The following STS variants were observed in gnomAD, a reference collection of about 807,000 sequenced individuals.
STS encodes the protein steroid sulfatase.
In STS, 7 loss-of-function variants were observed where a neutral mutation model predicts 26.8. The ratio of observed to expected loss-of-function variants is 0.26; its 90% CI spans 0.15 to 0.49. The LOEUF (loss-of-function observed/expected upper bound fraction) is 0.49, where lower values mean the gene tolerates loss of function less well. Ranked by LOEUF, STS falls within the 20% of genes least tolerant of loss-of-function variation. The pLI is 0.98. For missense variants in STS, 434 were observed against 465.6 expected (o/e 0.93, Z 0.63); for synonymous variants, 199 against 189.4 (o/e 1.05, Z -0.42).
intron 9 of STS, among the ~76,000 whole-genome samples, chrX:7,327,352 A>G (rs1486254507): frequency 9.3e-6 from 1 of 107,077 alleles, no homozygotes; most frequent in East Asian, 2.9e-4. Flanking sequence ...ACCTTTCTAG[A>G]CCTGCACTGG....
At chrX:7,216,959 A>G (rs1921334123) in intron 2 of STS, among the ~76,000 whole-genome samples, 1 of 111,472 alleles carries the variant, frequency 9.0e-6, no homozygotes, top group Non-Finnish European at 1.9e-5. Flanking sequence ...GACCATCGCA[A>G]CAGGTGCAGG....
At chrX:7,178,804 C>T (rs1365719630) in intron 1 of STS, among the ~76,000 whole-genome samples, 2 of 109,733 alleles carry the variant, frequency 1.8e-5, no homozygotes, top group African/African-American at 6.7e-5. Flanking sequence ...CTCTGTCCTT[C>T]TCATGAAAGT....
chrX:7,333,155 C>A (rs1461013066), intron 9 of STS, among the ~76,000 whole-genome samples: 1 of 112,215 alleles, frequency 8.9e-6, no homozygotes, highest in Non-Finnish European at 1.9e-5. Flanking sequence ...GAAAGAAAAT[C>A]CTCAAGTTAA....
chrX:7,294,017 C>A (rs1302383554), intron 7 of STS, among the ~76,000 whole-genome samples: 5 of 110,825 alleles, frequency 4.5e-5, no homozygotes, highest in African/African-American at 1.6e-4. Context: ...ATGGCCAGAC[C>A]AAGGTAGGCC....
At chrX:7,254,835 G>A (rs1209803655) in intron 3 of STS, among the ~76,000 whole-genome samples, 2 of 110,089 alleles carry the variant, frequency 1.8e-5, no homozygotes, top group Non-Finnish European at 3.8e-5. Flanking sequence ...CACCTGCCTC[G>A]GCCTCCCAAA....
chrX:7,317,529 C>T (rs1019983420), intron 8 of STS, among the ~76,000 whole-genome samples: 6 of 111,679 alleles, frequency 5.4e-5, no homozygotes, highest in African/African-American at 9.8e-5. Context: ...GGTGCAGTGG[C>T]GTGATCACAG....
At chrX:7,300,840 G>A (rs1471460531) in intron 7 of STS, among the ~76,000 whole-genome samples, 2 of 111,371 alleles carry the variant, frequency 1.8e-5, no homozygotes, top group Non-Finnish European at 1.9e-5. Flanking sequence ...GGAATTTGGA[G>A]GAGATATCCA....
intron 2 of STS, among the ~76,000 whole-genome samples, chrX:7,235,495 G>A (rs867006978): frequency 1.8e-5 from 2 of 111,839 alleles, no homozygotes; most frequent in African/African-American, 3.2e-5. Flanking sequence ...TTAGTTAGCC[G>A]GGTCCATTGG....
intron 8 of STS, among the ~76,000 whole-genome samples, chrX:7,315,750 G>A (rs1926685019): frequency 9.0e-6 from 1 of 111,325 alleles, no homozygotes; most frequent in Non-Finnish European, 1.9e-5. Flanking sequence ...GATGTAGGCT[G>A]GAAGACTCAG....
chrX:7,300,253 A>C (rs1420857911), intron 7 of STS, among the ~76,000 whole-genome samples: 1 of 112,305 alleles, frequency 8.9e-6, no homozygotes, highest in Non-Finnish European at 1.9e-5. Context: ...TGTTTCCTTC[A>C]GAAAACAAAG....
chrX:7,251,534 G>T (rs2147079396), intron 2 of STS, among the ~76,000 whole-genome samples: 1 of 111,440 alleles, frequency 9.0e-6, no homozygotes, highest in East Asian at 2.8e-4. Context: ...GACTGTCAGT[G>T]CTCCCAGATA....
chrX:7,212,518 A>C (rs750629513), intron 2 of STS, among the ~76,000 whole-genome samples: 1 of 111,693 alleles, frequency 9.0e-6, no homozygotes, highest in Non-Finnish European at 1.9e-5. Context: ...GTCTCAAGAT[A>C]CTAGGGACGC....
intron 8 of STS, among the ~76,000 whole-genome samples, chrX:7,323,907 C>G (rs1206650415): frequency 1.8e-5 from 2 of 110,666 alleles, no homozygotes; most frequent in East Asian, 5.7e-4. Context: ...CAGCCTCTCT[C>G]TGTGATTACA....
At chrX:7,192,419 C>G (rs919646197) in intron 2 of STS, among the ~76,000 whole-genome samples, 1 of 111,807 alleles carries the variant, frequency 8.9e-6, no homozygotes. Context: ...CAAAGATTAG[C>G]CCGGCATTGT....
intron 1 of STS, among the ~76,000 whole-genome samples, chrX:7,155,986 A>C (rs963476503): frequency 5.5e-5 from 6 of 109,662 alleles, no homozygotes; most frequent in African/African-American, 2.0e-4. Flanking sequence ...CCATCTCTAC[A>C]AAAAAAATAC....
At chrX:7,178,786 CCTT>C (rs754797737) in intron 1 of STS, among the ~76,000 whole-genome samples, 10 of 109,146 alleles carry the variant, frequency 9.2e-5, no homozygotes, top group African/African-American at 3.3e-4. Context: ...CTCTCTCTGT[CCTT>C]CTCTCTCTGT....
At chrX:7,326,884 A>T (rs1927502908) in intron 9 of STS, among the ~76,000 whole-genome samples, 1 of 111,379 alleles carries the variant, frequency 9.0e-6, no homozygotes, top group African/African-American at 3.3e-5. Flanking sequence ...TACTGGTTTC[A>T]ACTCTGCTTT....
chrX:7,256,589 C>T, intron 3 of STS, among the ~76,000 whole-genome samples: 1 of 111,634 alleles, frequency 9.0e-6, no homozygotes, highest in Non-Finnish European at 1.9e-5. Flanking sequence ...GGAGATTTCT[C>T]TTTTGGTGAC....
chrX:7,297,822 C>T (rs1160869208), intron 7 of STS, among the ~76,000 whole-genome samples: 2 of 111,833 alleles, frequency 1.8e-5, no homozygotes, highest in African/African-American at 6.5e-5. Context: ...GTCTCTTGCT[C>T]AGTCATTAGG....
Sources: gnomAD v4.1 joint callset for allele counts (sites outside exome capture counted in the v4.1 genomes callset) on GRCh38, gnomAD v4.1.1 for gene constraint, MANE v1.5 for transcripts, NCBI Gene and HGNC (gene_info 2026-07-23, HGNC 2026-07-21) for gene names.